NCOA1: variants seen among roughly 807,000 people sequenced by gnomAD.
The protein encoded by NCOA1 is Hin-2 protein.
Under a neutral mutation model 150.9 loss-of-function variants are expected in NCOA1, and 35 were observed. The observed-to-expected ratio is 0.23, with a 90% CI of 0.18 to 0.31. The LOEUF (loss-of-function observed/expected upper bound fraction) is 0.31, where lower values mean the gene tolerates loss of function less well. Among genes scored for constraint, NCOA1 ranks in the 10% least tolerant of loss-of-function variants. The pLI, the probability that NCOA1 is intolerant of heterozygous loss-of-function variation, is 1.00. For missense variants in NCOA1, 1,491 were observed against 1,749.3 expected (o/e 0.85, Z 2.63); for synonymous variants, 590 against 630.0 (o/e 0.94, Z 0.95).
chr2:24,548,780 A>T (rs1417937437), intron 1 of NCOA1, among the ~76,000 whole-genome samples: 1 of 152,196 alleles, frequency 6.6e-6, no homozygotes, highest in Admixed American at 6.5e-5. Context: ...CATGTCTCAC[A>T]TCCAGGACAA....
chr2:24,643,621 G>A (rs1385095505), intron 3 of NCOA1, among the ~76,000 whole-genome samples: 3 of 152,054 alleles, frequency 2.0e-5, no homozygotes, highest in South Asian at 2.1e-4. Flanking sequence ...CTGAAAACAT[G>A]AAAAAAATCA....
intron 3 of NCOA1, among the ~76,000 whole-genome samples, chr2:24,609,678 T>A (rs1358958298): frequency 6.6e-6 from 1 of 152,152 alleles, no homozygotes. Flanking sequence ...TTCTCTTTAT[T>A]GTGCATTTGA....
rs759425395 is a variant in NCOA1 at position 24,564,427 on chromosome 2, T to G, written c.-263T>G. 23 of 152,236 alleles carry G rather than the reference T, an allele frequency of 1.5e-4. No individual in the cohort carries two copies. The allele number at this position is 152,236 out of a possible 1,614,324, so 9.4% of individuals were successfully genotyped here. A position where few individuals can be genotyped will look rare whatever the true frequency, so the allele number is the denominator to read the frequency against. ...CAACATTTAGAATTTCTACTTATTC[T>G]GAGGTATTTGAGACACAATTTTACT... On this transcript the variant is annotated 5_prime_UTR_variant, in exon 2 of 23. Coordinates refer to ENST00000348332, the MANE Select transcript of NCOA1 (RefSeq NM_003743.5).
chr2:24,497,145 C>T (rs1663253009), intron 1 of NCOA1, among the ~76,000 whole-genome samples: 1 of 152,052 alleles, frequency 6.6e-6, no homozygotes. Context: ...GATTGCACAG[C>T]TTATAGGTGT....
intron 19 of NCOA1, among the ~76,000 whole-genome samples, chr2:24,747,896 C>T (rs560081425): frequency 2.0e-5 from 3 of 151,706 alleles, no homozygotes; most frequent in East Asian, 2.0e-4. Context: ...CACCTGAGGT[C>T]GGAAGTTCGA....
chr2:24,648,853 A>G (rs1340948339), intron 4 of NCOA1, among the ~76,000 whole-genome samples: 3 of 152,110 alleles, frequency 2.0e-5, no homozygotes, highest in Admixed American at 6.5e-5. Context: ...ATAGTTGATC[A>G]AAATTGAATA....
chr2:24,657,218 A>G (rs1670989107), intron 4 of NCOA1, among the ~76,000 whole-genome samples: 1 of 148,628 alleles, frequency 6.7e-6, no homozygotes, highest in Non-Finnish European at 1.5e-5. Context: ...ATGATACTTA[A>G]GCAGGGATGC....
chr2:24,617,822 T>A (rs1003133969), intron 3 of NCOA1, among the ~76,000 whole-genome samples: 1 of 152,070 alleles, frequency 6.6e-6, no homozygotes, highest in Non-Finnish European at 1.5e-5. Flanking sequence ...AAACAAAAAA[T>A]TGGAGCCAAT....
At chr2:24,538,563 T>C (rs1276197685) in intron 1 of NCOA1, among the ~76,000 whole-genome samples, 3 of 152,212 alleles carry the variant, frequency 2.0e-5, no homozygotes, top group Admixed American at 6.5e-5. Flanking sequence ...TGCGATGTTC[T>C]CTTAAAATCT....
At chr2:24,679,606 CTG>C (rs1257495754) in intron 7 of NCOA1, among the ~76,000 whole-genome samples, 5 of 152,018 alleles carry the variant, frequency 3.3e-5, no homozygotes, top group Non-Finnish European at 7.4e-5. Context: ...AAAAATAAAT[CTG>C]TTTTTAAATT....
chr2:24,593,204 A>T (rs1558821399), intron 3 of NCOA1, among the ~76,000 whole-genome samples: 1 of 152,172 alleles, frequency 6.6e-6, no homozygotes, highest in African/African-American at 2.4e-5. Context: ...GTCTTGACGG[A>T]TGGCACTATT....
At chr2:24,584,758 A>G (rs1490815354) in intron 3 of NCOA1, among the ~76,000 whole-genome samples, 198 bp downstream of exon 3, 1 of 126,696 alleles carries the variant, frequency 7.9e-6, no homozygotes, top group African/African-American at 3.0e-5. Flanking sequence ...ATCTTTTCAC[A>G]AACATTCACA....
At chr2:24,763,531 C>G (rs948751385) in intron 22 of NCOA1, among the ~76,000 whole-genome samples, 2 of 101,270 alleles carry the variant, frequency 2.0e-5, no homozygotes, top group African/African-American at 3.7e-5. Context: ...CAGCGAGACT[C>G]CATCTCAAAA....
At chr2:24,511,279 A>G (rs1289114273) in intron 1 of NCOA1, among the ~76,000 whole-genome samples, 1 of 152,172 alleles carries the variant, frequency 6.6e-6, no homozygotes, top group Non-Finnish European at 1.5e-5. Flanking sequence ...GCATGGACAT[A>G]TGTTTTCATT....
intron 1 of NCOA1, among the ~76,000 whole-genome samples, chr2:24,556,241 A>G (rs1666065818): frequency 1.3e-5 from 2 of 152,206 alleles, no homozygotes; most frequent in African/African-American, 4.8e-5. Context: ...AAGTGAGAAC[A>G]TGCGGTGTTT....
intron 1 of NCOA1, among the ~76,000 whole-genome samples, chr2:24,530,798 A>G (rs1477173563): frequency 3.3e-5 from 5 of 152,164 alleles, no homozygotes; most frequent in Non-Finnish European, 7.4e-5. Flanking sequence ...GGGAAGAGTG[A>G]GGAGATGAAA....
At chr2:24,758,970 CAG>C (rs1664638485) in intron 21 of NCOA1, among the ~76,000 whole-genome samples, 1 of 152,100 alleles carries the variant, frequency 6.6e-6, no homozygotes. Context: ...GCCTGGGCAA[CAG>C]AGCAAGACTC....
chr2:24,583,465 A>T (rs1667281846), intron 2 of NCOA1, among the ~76,000 whole-genome samples: 1 of 152,146 alleles, frequency 6.6e-6, no homozygotes, highest in African/African-American at 2.4e-5. Flanking sequence ...AATTAGAACC[A>T]CCATTATGCA....
intron 20 of NCOA1, 140 bp downstream of exon 20, chr2:24,752,296 A>G (rs1664291048): frequency 5.2e-6 from 5 of 969,480 alleles, no homozygotes; most frequent in Non-Finnish European, 5.9e-6. Context: ...ATATGGCTAC[A>G]TTTATATGAC....
Sources: gnomAD v4.1 joint callset for allele counts (sites outside exome capture counted in the v4.1 genomes callset) on GRCh38, gnomAD v4.1.1 for gene constraint, MANE v1.5 for transcripts, NCBI Gene and HGNC (gene_info 2026-07-23, HGNC 2026-07-21) for gene names.